RHBDD1: variants seen among roughly 807,000 people sequenced by gnomAD.
RHBDD1 encodes rhomboid-related protein 4.
Under a neutral mutation model 36.3 loss-of-function variants are expected in RHBDD1, and 38 were observed. The ratio of observed to expected loss-of-function variants is 1.05; its 90% confidence interval spans 0.81 to 1.37. RHBDD1 has a LOEUF of 1.37. Among genes scored for constraint, RHBDD1 ranks in the 40% most tolerant of loss-of-function variants. The pLI is 0.00. For synonymous variants in RHBDD1, 151 were observed against 136.5 expected, an observed-to-expected ratio of 1.11 and a Z score of -0.74; for missense variants, 393 against 377.6, an observed-to-expected ratio of 1.04 and a Z score of -0.34.
Position 226,841,653 on chromosome 2 carries a change from C to T in RHBDD1, c.-91+2026C>T, listed in dbSNP as rs531797681. Among the ~76,000 whole-genome samples, 141 of 152,302 alleles carry T rather than the reference C, an allele frequency of 9.3e-4. 1 individual carries two copies. The highest frequency in any genetic ancestry group is 1.6e-3 in the Non-Finnish European group (111 of 68,010). On this transcript the variant is annotated intron_variant, in intron 3 of 8. Transcript: ENST00000392062. ...ATGATTTCATTCCTTTGTGTGGCTG[C>T]ATAATATTTCATATGTACCACATCT...
At chr2:226,994,508 A>G (rs12151597) in intron 8 of RHBDD1, among the ~76,000 whole-genome samples, 66,235 of 152,006 alleles carry the variant, frequency 0.44, 14,537 homozygotes, top group South Asian at 0.57. Context: ...AGGTGATGGG[A>G]GAGAGCCTTT....
chr2:226,929,205 A>G (rs59666216), intron 8 of RHBDD1, among the ~76,000 whole-genome samples: 2,477 of 152,236 alleles, frequency 0.016, 61 homozygotes, highest in African/African-American at 0.057. Flanking sequence ...AAAAGAATAA[A>G]AATACAGACA....
intron 8 of RHBDD1, among the ~76,000 whole-genome samples, chr2:226,992,608 T>TA (rs1353627393): frequency 6.6e-6 from 1 of 152,206 alleles, no homozygotes; most frequent in Non-Finnish European, 1.5e-5. Context: ...ACTTTAGAGT[T>TA]ACGTCTTTGA....
At chr2:226,851,670 A>AGTCC (rs1942829325) in intron 3 of RHBDD1, among the ~76,000 whole-genome samples, 1 of 152,108 alleles carries the variant, frequency 6.6e-6, no homozygotes, top group African/African-American at 2.4e-5. Context: ...AAAAGTCTCT[A>AGTCC]GTCCCTTGGA....
intron 5 of RHBDD1, among the ~76,000 whole-genome samples, chr2:226,874,733 A>G (rs1011888863): frequency 6.6e-6 from 1 of 152,300 alleles, no homozygotes; most frequent in African/African-American, 2.4e-5. Flanking sequence ...TCCTTGCCAT[A>G]TATGGTTACA....
the RHBDD1 span, among the ~76,000 whole-genome samples, chr2:226,809,913 T>C: frequency 6.6e-6 from 1 of 152,216 alleles, no homozygotes; most frequent in Non-Finnish European, 1.5e-5. Context: ...TAAAATCTTA[T>C]GTAAAATACA....
At chr2:226,819,531 AATATACCCTCTGAT>A in the RHBDD1 span, among the ~76,000 whole-genome samples, 1 of 152,182 alleles carries the variant, frequency 6.6e-6, no homozygotes, top group African/African-American at 2.4e-5. Flanking sequence ...AATTGTAACA[AATATACCCTCTGAT>A]GGGAAGGCTG....
chr2:226,842,815 T>C (rs75296141), intron 3 of RHBDD1, among the ~76,000 whole-genome samples: 5,468 of 152,278 alleles, frequency 0.036, 337 homozygotes, highest in African/African-American at 0.12. Flanking sequence ...CTGCGAACAA[T>C]GTCAATGAAA....
rs1340757680 is a variant in RHBDD1, at chr2:226,995,551, T to G, written c.*29T>G. ...GGCATCTTGGGAAGACATGGCCTAT[T>G]CGTGTAATTATTGCCCATTTGGCTC... On this transcript the variant is annotated 3_prime_UTR_variant, in exon 9 of 9. Transcript: ENST00000392062. 6.8e-7 allele frequency: 1 copy of G among 1,466,104 alleles called. No homozygotes were observed. Among genetic ancestry groups the G allele is most frequent in the Non-Finnish European group, 9.5e-7 (1 of 1,052,096 alleles). 90.8% of individuals were successfully genotyped at this position (1,466,104 alleles called of 1,614,324 possible).
At chr2:226,991,996 G>A (rs1179203057) in intron 8 of RHBDD1, among the ~76,000 whole-genome samples, 1 of 152,256 alleles carries the variant, frequency 6.6e-6, no homozygotes, top group East Asian at 1.9e-4. Context: ...ACCACCCCAA[G>A]GAAGCTTGTC....
At chr2:226,961,488 G>A (rs1225762092) in intron 8 of RHBDD1, among the ~76,000 whole-genome samples, 2 of 151,986 alleles carry the variant, frequency 1.3e-5, no homozygotes, top group Non-Finnish European at 2.9e-5. Flanking sequence ...TACTTAAGCA[G>A]TAACATTTAG....
intron 8 of RHBDD1, 143 bp downstream of exon 8, chr2:226,914,494 A>C: frequency 1.1e-6 from 1 of 908,336 alleles, no homozygotes; most frequent in Non-Finnish European, 1.6e-6. Context: ...GATTGTGATT[A>C]CAAAGAATGG....
At chr2:226,857,929 A>G (rs549169925) in intron 3 of RHBDD1, among the ~76,000 whole-genome samples, 1 of 152,174 alleles carries the variant, frequency 6.6e-6, no homozygotes, top group African/African-American at 2.4e-5. Context: ...TATGTGAGTT[A>G]TATTTCGGCT....
upstream of RHBDD1, chr2:226,835,649 A>T (rs1248856070): frequency 6.6e-6 from 1 of 152,388 alleles, no homozygotes; most frequent in Non-Finnish European, 1.5e-5. Flanking sequence ...GAACCTGGGC[A>T]GAGGCGTCCG....
intron 8 of RHBDD1, among the ~76,000 whole-genome samples, chr2:226,989,139 T>C (rs151144330): frequency 7.4e-4 from 113 of 152,384 alleles, no homozygotes; most frequent in African/African-American, 2.6e-3. Context: ...ACCAGCTATT[T>C]GGCTTTGCCA....
chr2:226,900,156 A>G (rs10933161), intron 5 of RHBDD1, among the ~76,000 whole-genome samples: 66,145 of 152,008 alleles, frequency 0.44, 14,506 homozygotes, highest in South Asian at 0.52. Flanking sequence ...TTCTGAAGAC[A>G]GGCTTGTTGG....
intron 5 of RHBDD1, among the ~76,000 whole-genome samples, chr2:226,892,448 C>A (rs1436707353): frequency 6.6e-6 from 1 of 152,178 alleles, no homozygotes; most frequent in Non-Finnish European, 1.5e-5. Context: ...TTACTTTCAT[C>A]ATCTTTGGCC....
chr2:226,894,266 ATTATTT>A (rs1051269610), intron 5 of RHBDD1, among the ~76,000 whole-genome samples: 1 of 151,938 alleles, frequency 6.6e-6, no homozygotes, highest in African/African-American at 2.4e-5. Flanking sequence ...TGTAATTCAT[ATTATTT>A]TTATTTTTAT....
At chr2:226,812,914 T>C in the RHBDD1 span, among the ~76,000 whole-genome samples, 4 of 152,312 alleles carry the variant, frequency 2.6e-5, no homozygotes. Flanking sequence ...AGGTAGGTAC[T>C]ATTTTAAGCC....
Sources: gnomAD v4.1 joint callset for allele counts (sites outside exome capture counted in the v4.1 genomes callset) on GRCh38, gnomAD v4.1.1 for gene constraint, MANE v1.5 for transcripts, NCBI Gene and HGNC (gene_info 2026-07-23, HGNC 2026-07-21) for gene names.